The following MGA variants were observed in gnomAD, a reference collection of about 807,000 sequenced individuals.
MGA encodes the protein MAX gene-associated protein.
In MGA, 40 loss-of-function variants were observed where a neutral mutation model predicts 261.1. The ratio of observed to expected loss-of-function variants is 0.15; its 90% CI spans 0.12 to 0.20. The LOEUF is 0.20. MGA is among the 10% of genes least tolerant of loss of function. The pLI is 1.00. For synonymous variants in MGA, 1,302 were observed against 1,290.6 expected (o/e 1.01, Z -0.19); for missense variants, 3,397 against 3,630.5 (o/e 0.94, Z 1.65).
chr15:41,733,942 G>A (rs1390786002), intron 11 of MGA, among the ~76,000 whole-genome samples: 1 of 130,670 alleles, frequency 7.7e-6, no homozygotes, highest in Non-Finnish European at 1.6e-5. Flanking sequence ...TCGAGATAGG[G>A]CCTCACTCTG....
At chr15:41,649,861 A>C (rs1307177367) in intron 1 of MGA, among the ~76,000 whole-genome samples, 1 of 152,122 alleles carries the variant, frequency 6.6e-6, no homozygotes, top group Non-Finnish European at 1.5e-5. Flanking sequence ...TTTTATTTTT[A>C]GTAGAGACGG....
chr15:41,627,081 G>C (rs1359937799), intron 1 of MGA, among the ~76,000 whole-genome samples: 1 of 151,974 alleles, frequency 6.6e-6, no homozygotes, highest in Non-Finnish European at 1.5e-5. Context: ...TAATTTTTTT[G>C]TATTTTTGGT....
intron 1 of MGA, among the ~76,000 whole-genome samples, chr15:41,667,252 TA>T (rs913284311): frequency 2.0e-5 from 3 of 152,122 alleles, no homozygotes; most frequent in Non-Finnish European, 4.4e-5. Flanking sequence ...AATGTATTTT[TA>T]TTTTTTTTTT....
intron 9 of MGA, among the ~76,000 whole-genome samples, chr15:41,726,903 C>G (rs745579004): frequency 6.6e-6 from 1 of 152,008 alleles, no homozygotes; most frequent in Non-Finnish European, 1.5e-5. Flanking sequence ...ATTTTAAACT[C>G]TGAGGGCAAG....
chr15:41,710,884 G>A lies in MGA; in HGVS notation c.2619G>A (p.Lys873=). 1.2e-6 allele frequency: 2 copies of A among 1,613,890 alleles called. No individual in the cohort carries two copies. The highest frequency in any genetic ancestry group is 1.7e-6 in the Non-Finnish European group (2 of 1,179,858). Residue 873 remains lysine (K), a synonymous_variant, in exon 8 of 24, where the codon AAG becomes AAA. Coordinates refer to ENST00000219905, the MANE Select transcript of MGA (RefSeq NM_001164273.2). ...TACGAACACTTGATAGTGTACTAAA[G>A]AAGCAATCTACTATTTCCCCTTCTA...
Position 41,727,393 on chromosome 15 carries a change from A to G in MGA, c.3644A>G (p.Lys1215Arg). The change falls in exon 10 of 24, where the codon AAA becomes AGA. Residue 1215 changes from lysine (K) to arginine (R), a missense_variant. This residue lies in a region of MGA where 519 missense variants were observed against 554.1 expected (regional missense o/e 0.94). Coordinates refer to ENST00000219905, the MANE Select transcript of MGA (RefSeq NM_001164273.2). The stretch of plus-strand genomic sequence containing the variant: ...AAATCTCCACGGTCATATACTCCCA[A>G]ACCCAATCCTGTGGTAAGTCTGGAA... 6.2e-7 allele frequency: 1 copy of G among 1,613,088 alleles called. No individual in the cohort carries two copies. The highest frequency in any genetic ancestry group is 8.5e-7 in the Non-Finnish European group (1 of 1,179,462).
chr15:41,743,231 G>A (rs1272061399), intron 15 of MGA, 59 bp downstream of exon 15: 7 of 1,488,566 alleles, frequency 4.7e-6, no homozygotes, highest in Non-Finnish European at 6.3e-6. Context: ...ATATAACTTT[G>A]TGGTTGTGTT....
chr15:41,673,311 G>A (rs1441513547), intron 2 of MGA, among the ~76,000 whole-genome samples: 2 of 151,896 alleles, frequency 1.3e-5, no homozygotes, highest in African/African-American at 4.8e-5. Flanking sequence ...TCTGCCTCCT[G>A]GGTTCAAGCG....
At chr15:41,699,271 T>C (rs1484159171) in intron 5 of MGA, 112 bp downstream of exon 5, 1 of 703,288 alleles carries the variant, frequency 1.4e-6, no homozygotes, top group South Asian at 2.3e-5. Context: ...TTTTCCTCTT[T>C]CTTTCTAGCC....
intron 9 of MGA, among the ~76,000 whole-genome samples, chr15:41,714,485 G>C (rs1023923395): frequency 6.6e-6 from 1 of 152,174 alleles, no homozygotes; most frequent in Non-Finnish European, 1.5e-5. Flanking sequence ...GCCAACTTCA[G>C]ACGTATGCCA....
Position 41,696,852 on chromosome 15 carries a change from A to G in MGA, c.1842A>G (p.Arg614=). The G allele has an allele frequency of 6.3e-7, 1 of 1,598,876 alleles. No homozygotes were observed. The highest frequency in any genetic ancestry group is 8.5e-7 in the Non-Finnish European group (1 of 1,172,412). Residue 614 remains arginine (R), a synonymous_variant, in exon 3 of 24, where the codon AGA becomes AGG. Transcript: ENST00000219905. ...CCTCTCCAAATGTCCCTGGAAAAAG[A>G]GGAAGGCCACGAAAATTGAAACTCT...
At chr15:41,643,639 AT>A (rs1246099414) in intron 1 of MGA, among the ~76,000 whole-genome samples, 1 of 151,616 alleles carries the variant, frequency 6.6e-6, no homozygotes, top group Non-Finnish European at 1.5e-5. Flanking sequence ...GTTTGCAAAT[AT>A]TTTTTCCTTT....
intron 5 of MGA, among the ~76,000 whole-genome samples, chr15:41,705,249 G>A (rs527358550): frequency 6.6e-6 from 1 of 152,084 alleles, no homozygotes; most frequent in Non-Finnish European, 1.5e-5. Context: ...ACAGCTGTGA[G>A]CCACCATGTC....
intron 1 of MGA, among the ~76,000 whole-genome samples, chr15:41,652,263 G>A (rs551428951): frequency 3.4e-5 from 5 of 149,024 alleles, no homozygotes; most frequent in African/African-American, 9.9e-5. Context: ...GTGAGCCACC[G>A]TGCCTGGCCT....
chr15:41,671,991 TTATC>T (rs2058088647), intron 2 of MGA, among the ~76,000 whole-genome samples: 1 of 152,218 alleles, frequency 6.6e-6, no homozygotes. Flanking sequence ...ATCATCTTGA[TTATC>T]TAACATAATT....
chr15:41,715,845 T>TAG (rs992634788), intron 9 of MGA, among the ~76,000 whole-genome samples: 1 of 151,638 alleles, frequency 6.6e-6, no homozygotes, highest in Non-Finnish European at 1.5e-5. Flanking sequence ...TTTATTAGTT[T>TAG]AGTTCTACCC....
intron 5 of MGA, among the ~76,000 whole-genome samples, chr15:41,703,869 G>T (rs879476930): frequency 1.3e-5 from 2 of 152,214 alleles, no homozygotes; most frequent in Non-Finnish European, 2.9e-5. Context: ...ATAGTGCAGT[G>T]ATGTGAACAT....
chr15:41,762,936 T>C lies in MGA; in HGVS notation c.7744+574T>C, dbSNP rs978291304. On this transcript the variant is annotated intron_variant, in intron 22 of 23. Transcript: ENST00000219905. ...ATAGTCATGTATTTTTAATGAGTAG[T>C]TTTTTAAACTTATCTTTTCAGACTT... Among the ~76,000 whole-genome samples the C allele has an allele frequency of 3.0e-3, 459 of 152,248 alleles. 4 individuals are homozygous for C. The highest frequency in any genetic ancestry group is 5.0e-3 in the Admixed American group (76 of 15,288).
At chr15:41,682,503 T>C (rs1245924719) in intron 2 of MGA, among the ~76,000 whole-genome samples, 1 of 151,862 alleles carries the variant, frequency 6.6e-6, no homozygotes, top group Non-Finnish European at 1.5e-5. Context: ...TTTTTTGAGA[T>C]GGAATCTCGC....
Sources: allele counts gnomAD v4.1 joint callset (sites outside exome capture counted in the v4.1 genomes callset), GRCh38; gene constraint gnomAD v4.1.1; regional missense constraint gnomAD v4.1.1; transcripts MANE v1.5; gene names NCBI Gene and HGNC (gene_info 2026-07-23, HGNC 2026-07-21).